Variants in RAB27A observed in about 807,000 individuals in gnomAD.
RAB27A encodes RAB27A, member RAS oncogene family, also known as ras-related protein Rab-27A.
A neutral mutation model predicts 20.8 loss-of-function variants in RAB27A; 17 were observed. The ratio of observed to expected loss-of-function variants is 0.82; its 90% CI spans 0.56 to 1.23. The LOEUF (loss-of-function observed/expected upper bound fraction) is 1.23. Among genes scored for constraint, RAB27A ranks in the 50% most tolerant of loss-of-function variants. The pLI is 0.00. For synonymous variants in RAB27A, 85 were observed against 92.8 expected, an observed-to-expected ratio of 0.92 and a Z score of 0.48; for missense variants, 277 against 266.7, an observed-to-expected ratio of 1.04 and a Z score of -0.27.
intron 2 of RAB27A, among the ~76,000 whole-genome samples, chr15:55,247,465 G>C (rs1329249830): frequency 6.6e-6 from 1 of 151,798 alleles, no homozygotes; most frequent in Admixed American, 6.6e-5. Flanking sequence ...CCTAAAAACA[G>C]TGTCAAGGAA....
At chr15:55,318,237 A>G (rs1460042676) in intron 1 of RAB27A, among the ~76,000 whole-genome samples, 1 of 151,184 alleles carries the variant, frequency 6.6e-6, no homozygotes, top group Non-Finnish European at 1.5e-5. Context: ...AGCTGGGACT[A>G]CAGGCGCGTG....
At chr15:55,253,133 GA>G (rs778165953) in intron 2 of RAB27A, among the ~76,000 whole-genome samples, 246 of 112,052 alleles carry the variant, frequency 2.2e-3, no homozygotes, top group Middle Eastern at 8.1e-3. Flanking sequence ...CTCTGTCTCT[GA>G]AAAAAAAAAA....
intron 2 of RAB27A, among the ~76,000 whole-genome samples, chr15:55,297,809 T>C (rs1358414723): frequency 6.6e-6 from 1 of 152,224 alleles, no homozygotes; most frequent in Non-Finnish European, 1.5e-5. Context: ...ACATCATTTC[T>C]GTATATTTCT....
At chr15:55,222,748 C>T (rs17238192) in intron 6 of RAB27A, among the ~76,000 whole-genome samples, 26,320 of 151,994 alleles carry the variant, frequency 0.17, 2,630 homozygotes, top group African/African-American at 0.26. Flanking sequence ...TGCTAACCAC[C>T]AAAGCCACAA....
At chr15:55,275,666 A>G (rs1897846021) in intron 1 of RAB27A, among the ~76,000 whole-genome samples, 1 of 152,058 alleles carries the variant, frequency 6.6e-6, no homozygotes, top group South Asian at 2.1e-4. Context: ...TAGAAGGGAA[A>G]AAAAGGTAAA....
At chr15:55,218,396 A>G (rs1895412397) in intron 6 of RAB27A, among the ~76,000 whole-genome samples, 1 of 152,232 alleles carries the variant, frequency 6.6e-6, no homozygotes, top group Non-Finnish European at 1.5e-5. Context: ...CCAATGCTAC[A>G]TCGCTAAGTT....
chr15:55,217,828 C>T (rs950107198), intron 6 of RAB27A, among the ~76,000 whole-genome samples: 3 of 152,050 alleles, frequency 2.0e-5, no homozygotes, highest in African/African-American at 4.8e-5. Flanking sequence ...CACTGCTCAT[C>T]GTTATTACCA....
intron 1 of RAB27A, 53 bp from the exon 2 acceptor site, chr15:55,270,337 T>A (rs1353634492): frequency 6.6e-6 from 1 of 152,154 alleles, no homozygotes; most frequent in African/African-American, 2.4e-5. Context: ...ACTTAAAAAG[T>A]TTTTCAAAAG....
chr15:55,275,228 G>T (rs553448678), intron 1 of RAB27A, among the ~76,000 whole-genome samples: 1 of 151,684 alleles, frequency 6.6e-6, no homozygotes. Flanking sequence ...CTCCAGCCTG[G>T]GTGACAGAGT....
At position 55,205,375 on chromosome 15, in the gene RAB27A, C is replaced by T. The variant is rs77014779; in HGVS notation, c.*132G>A. 1,061 of 881,472 alleles carry T rather than the reference C, an allele frequency of 1.2e-3. 12 individuals are homozygous for T. In the African/African-American group the frequency reaches 0.017, roughly 14 times the overall value. 54.6% of individuals were successfully genotyped at this position (881,472 alleles called of 1,614,324 possible). A position where few individuals can be genotyped will look rare whatever the true frequency, so the allele number is the denominator to read the frequency against. ...TAATTTTAGAACCGGATGCTTTATT[C>T]GTAGGTCTAATGGGGATGGTGAGAA... On this transcript the variant is annotated 3_prime_UTR_variant, in exon 7 of 7. Coordinates refer to ENST00000336787, the MANE Select transcript of RAB27A (RefSeq NM_183235.3).
intron 5 of RAB27A, 150 bp downstream of exon 5, chr15:55,228,459 T>C (rs983278786): frequency 9.0e-5 from 60 of 663,104 alleles, no homozygotes; most frequent in Non-Finnish European, 1.5e-4. Context: ...TCAATTATCT[T>C]TGTCCCTAAA....
chr15:55,228,733 T>C lies in RAB27A; in HGVS notation c.240-21A>G, dbSNP rs368760836. On this transcript the variant is annotated intron_variant, in intron 4 of 6. Transcript: ENST00000336787. ...GAAACCTAGGAACATAAAAGCAGAA[T>C]GGTCAGTTAAACCACGGCCCCACTC... The C allele has an allele frequency of 2.1e-4, 325 of 1,560,830 alleles. 4 individuals are homozygous for C. In the Middle Eastern group the frequency reaches 4.4e-3, roughly 21 times the overall value.
At position 55,277,555 on chromosome 15, in the gene RAB27A, A is replaced by T. The variant is rs146753498; in HGVS notation, c.-142-7271T>A. On this transcript the variant is annotated intron_variant, in intron 1 of 6. Transcript: ENST00000336787. ...CCCTCACCTTTGCTGTCAGGCAGCT[A>T]TCCCTCACCACAGTAATCAGTGTGC... Among the ~76,000 whole-genome samples, 461 of 152,250 alleles carry T rather than the reference A, an allele frequency of 3.0e-3. 5 individuals carry two copies. Among genetic ancestry groups the T allele is most frequent in the African/African-American group, 0.011 (441 of 41,528 alleles).
At chr15:55,316,877 G>A (rs77153932) in intron 1 of RAB27A, among the ~76,000 whole-genome samples, 3,570 of 152,210 alleles carry the variant, frequency 0.023, 153 homozygotes, top group African/African-American at 0.082. Context: ...AAAAACGGCT[G>A]GGATTGAATG....
intron 2 of RAB27A, among the ~76,000 whole-genome samples, chr15:55,261,650 A>C (rs1897271111): frequency 6.7e-6 from 1 of 148,372 alleles, no homozygotes; most frequent in African/African-American, 2.5e-5. Context: ...CTAAGGTAGA[A>C]GAATAGCTTG....
rs149421100 is a variant in RAB27A, at chr15:55,253,756, C to T, written c.-23+16409G>A. 6.3e-3 allele frequency among the ~76,000 whole-genome samples: 946 copies of T among 150,644 alleles called. 6 individuals are homozygous for T. Among genetic ancestry groups the T allele is most frequent in the Non-Finnish European group, 0.011 (713 of 67,740 alleles). ...GCCTTGTTTAAAAAAAAAAAAGAGTCGGGGAATAAACCTCAATACAGATTT... is the reference window on the plus strand; with the variant it reads ...GCCTTGTTTAAAAAAAAAAAAGAGTTGGGGAATAAACCTCAATACAGATTT... On this transcript the variant is annotated intron_variant, in intron 2 of 6. Coordinates refer to ENST00000336787, the MANE Select transcript of RAB27A (RefSeq NM_183235.3).
chr15:55,309,134 T>C (rs2055009744), intron 2 of RAB27A, among the ~76,000 whole-genome samples: 1 of 152,214 alleles, frequency 6.6e-6, no homozygotes, highest in South Asian at 2.1e-4. Context: ...GGTATTGACT[T>C]TCCAAGTTTC....
intron 2 of RAB27A, among the ~76,000 whole-genome samples, chr15:55,265,217 G>C (rs1039406478): frequency 5.9e-5 from 9 of 152,076 alleles, no homozygotes; most frequent in African/African-American, 2.2e-4. Context: ...CTCCAGCCTG[G>C]GCGACAAGAG....
intron 2 of RAB27A, among the ~76,000 whole-genome samples, chr15:55,261,264 G>A (rs1024505743): frequency 2.0e-5 from 3 of 151,658 alleles, no homozygotes; most frequent in African/African-American, 4.9e-5. Context: ...AGGCGCGGTG[G>A]CAGGCACCTG....
Sources: allele counts gnomAD v4.1 joint callset (sites outside exome capture counted in the v4.1 genomes callset), GRCh38; gene constraint gnomAD v4.1.1; transcripts MANE v1.5; gene names NCBI Gene and HGNC (gene_info 2026-07-23, HGNC 2026-07-21).